BBOX1: variants seen among roughly 807,000 people sequenced by gnomAD.
BBOX1 encodes gamma-butyrobetaine hydroxylase 1, also known as gamma-butyrobetaine dioxygenase.
In BBOX1, 35 loss-of-function variants were observed where a neutral mutation model predicts 41.6. The ratio of observed to expected loss-of-function variants is 0.84; its 90% CI spans 0.64 to 1.11. The LOEUF is 1.11. Ranked by LOEUF, BBOX1 falls within the 50% of genes most tolerant of loss-of-function variation. The pLI, the probability that BBOX1 is intolerant of heterozygous loss-of-function variation, is 0.00. For synonymous variants in BBOX1, 163 were observed against 154.7 expected, an observed-to-expected ratio of 1.05 and a Z score of -0.40; for missense variants, 458 against 460.6, an observed-to-expected ratio of 0.99 and a Z score of 0.05.
At chr11:27,119,378 C>A (rs1251491698) in intron 6 of BBOX1, among the ~76,000 whole-genome samples, 1 of 151,886 alleles carries the variant, frequency 6.6e-6, no homozygotes, top group Non-Finnish European at 1.5e-5. Flanking sequence ...ATCATGCCTG[C>A]ATCTATGTCT....
chr11:27,066,887 T>C (rs7936060), intron 4 of BBOX1, among the ~76,000 whole-genome samples: 87,983 of 151,848 alleles, frequency 0.58, 26,316 homozygotes, highest in South Asian at 0.73. Flanking sequence ...TTTCTTAAAA[T>C]TTTATATTTT....
In BBOX1 at chr11:27,125,692, A is replaced by G. The variant is rs752827548; in HGVS notation, c.875A>G (p.Asn292Ser). The change falls in exon 8 of 9, where the codon AAT becomes AGT. Residue 292 changes from asparagine (N) to serine (S), a missense_variant. Coordinates refer to ENST00000263182, the MANE Select transcript of BBOX1 (RefSeq NM_003986.3). ...DKGQVVRINF[N>S]NATRDTIFDV... The stretch of plus-strand genomic sequence containing the variant: ...GGCCAAGTGGTTCGCATCAACTTCA[A>G]TAACGCAACTAGGGACACAATATTT... 16 of 1,601,354 alleles carry G rather than the reference A, an allele frequency of 1.0e-5. No homozygotes were observed. The South Asian group carries it at 1.7e-4, about 17-fold the overall frequency.
At chr11:27,117,027 A>C (rs148785284) in intron 6 of BBOX1, among the ~76,000 whole-genome samples, 222 of 152,150 alleles carry the variant, frequency 1.5e-3, no homozygotes, top group Admixed American at 3.6e-3. Flanking sequence ...CATTTTTACA[A>C]AAGTTTCATT....
At chr11:27,055,772 T>A in intron 3 of BBOX1, 123 bp downstream of exon 3, 2 of 787,776 alleles carry the variant, frequency 2.5e-6, no homozygotes, top group East Asian at 5.4e-5. Context: ...AACCCACGTT[T>A]GTATAGTACT....
chr11:27,109,242 TA>T (rs780760796), intron 5 of BBOX1, among the ~76,000 whole-genome samples: 4 of 152,046 alleles, frequency 2.6e-5, no homozygotes, highest in Non-Finnish European at 4.4e-5. Context: ...AAATATTGGG[TA>T]ATCAGGAGAA....
chr11:27,081,278 T>A (rs893167441), intron 4 of BBOX1, among the ~76,000 whole-genome samples: 3 of 152,168 alleles, frequency 2.0e-5, no homozygotes, highest in Non-Finnish European at 4.4e-5. Context: ...AAAGTTAGTA[T>A]GAGTCATCAG....
rs1348889298 is a variant in BBOX1, at chr11:27,127,575, TTC to T, written c.*127_*128del. 2.6e-6 allele frequency: 3 copies of T among 1,136,998 alleles called. No homozygotes were observed. The highest frequency in any genetic ancestry group is 3.0e-5 in the Admixed American group (1 of 33,844). The allele number at this position is 1,136,998 out of a possible 1,614,324, so 70.4% of individuals were successfully genotyped here. Reference sequence around the variant, plus strand: ...ATTTCCTTAACAATGAACATGTAACTTCTCTCACAAGAGTACTCTTTACTTTG... The same window carrying T: ...ATTTCCTTAACAATGAACATGTAACTTCTCACAAGAGTACTCTTTACTTTG... On this transcript the variant is annotated 3_prime_UTR_variant, in exon 9 of 9. Transcript: ENST00000263182.
chr11:27,119,180 TG>T (rs1859373628), intron 6 of BBOX1, among the ~76,000 whole-genome samples: 1 of 152,084 alleles, frequency 6.6e-6, no homozygotes, highest in Admixed American at 6.6e-5. Flanking sequence ...TGTGCATTTT[TG>T]CACATCATTA....
At chr11:27,093,444 A>G in intron 5 of BBOX1, 78 bp downstream of exon 5, 1 of 1,407,284 alleles carries the variant, frequency 7.1e-7, no homozygotes, top group Non-Finnish European at 9.8e-7. Context: ...GACCGCCTTG[A>G]TTGAAGATAC....
intron 4 of BBOX1, among the ~76,000 whole-genome samples, chr11:27,057,652 T>G (rs1253620428): frequency 6.6e-6 from 1 of 152,170 alleles, no homozygotes; most frequent in Non-Finnish European, 1.5e-5. Context: ...AGACTGGCCC[T>G]TTATAACAAT....
intron 4 of BBOX1, among the ~76,000 whole-genome samples, chr11:27,075,832 G>C (rs184263562): frequency 6.6e-6 from 1 of 152,234 alleles, no homozygotes; most frequent in Non-Finnish European, 1.5e-5. Flanking sequence ...GAACTCCTAT[G>C]GGAGAAGCCC....
intron 6 of BBOX1, among the ~76,000 whole-genome samples, chr11:27,115,918 A>C (rs963504555): frequency 6.6e-6 from 1 of 151,974 alleles, no homozygotes; most frequent in Non-Finnish European, 1.5e-5. Flanking sequence ...AAATGAAATC[A>C]GTAAACAAAA....
intron 2 of BBOX1, among the ~76,000 whole-genome samples, chr11:27,043,333 G>A (rs1270990327): frequency 4.6e-5 from 7 of 151,146 alleles, no homozygotes; most frequent in Admixed American, 4.6e-4. Flanking sequence ...AAAGTGCTGG[G>A]ATTACAGGCA....
chr11:27,055,822 CTAT>C (rs967271026), intron 3 of BBOX1, among the ~76,000 whole-genome samples, 173 bp downstream of exon 3: 1 of 152,080 alleles, frequency 6.6e-6, no homozygotes, highest in Non-Finnish European at 1.5e-5. Context: ...GAAGCTTCAG[CTAT>C]TATTATTACT....
At position 27,052,215 on chromosome 11, in the gene BBOX1, T is replaced by C. The variant is rs193239041; in HGVS notation, c.-38-3178T>C. On this transcript the variant is annotated intron_variant, in intron 2 of 8. Transcript: ENST00000263182. ...AGAATAATAAAACTTTTTGTGAGAATATAAACTGCAGGCAATTTAAAGAAT... is the reference window on the plus strand; with the variant it reads ...AGAATAATAAAACTTTTTGTGAGAACATAAACTGCAGGCAATTTAAAGAAT... Among the ~76,000 whole-genome samples the C allele has an allele frequency of 8.5e-4, 129 of 152,228 alleles. 1 individual carries two copies. Among genetic ancestry groups the C allele is most frequent in the African/African-American group, 2.9e-3 (121 of 41,578 alleles).
chr11:27,092,593 C>G (rs1858286705), intron 4 of BBOX1, among the ~76,000 whole-genome samples: 1 of 151,964 alleles, frequency 6.6e-6, no homozygotes, highest in South Asian at 2.1e-4. Flanking sequence ...ACTAAAAGGT[C>G]TATGCATTCC....
intron 4 of BBOX1, among the ~76,000 whole-genome samples, chr11:27,088,958 G>C (rs997069537): frequency 6.6e-6 from 1 of 152,064 alleles, no homozygotes; most frequent in Non-Finnish European, 1.5e-5. Flanking sequence ...GCCATGTACT[G>C]TACCAAACTC....
chr11:27,074,490 C>A (rs1478538346), intron 4 of BBOX1, among the ~76,000 whole-genome samples: 4 of 152,078 alleles, frequency 2.6e-5, no homozygotes, highest in African/African-American at 9.7e-5. Context: ...GAAGTCCAGG[C>A]TGAGGTAGTC....
intron 7 of BBOX1, among the ~76,000 whole-genome samples, chr11:27,121,894 C>T (rs923478494): frequency 1.1e-4 from 16 of 152,108 alleles, no homozygotes; most frequent in Non-Finnish European, 1.9e-4. Flanking sequence ...AACTGAATGT[C>T]CACCATGTGG....
Sources: allele counts gnomAD v4.1 joint callset (sites outside exome capture counted in the v4.1 genomes callset), GRCh38; gene constraint gnomAD v4.1.1; transcripts MANE v1.5; gene names NCBI Gene and HGNC (gene_info 2026-07-23, HGNC 2026-07-21).